The following GMPS variants were observed in gnomAD, a reference collection of about 807,000 sequenced individuals.
GMPS encodes the protein GMP synthase [glutamine-hydrolyzing].
Under a neutral mutation model 77.9 loss-of-function variants are expected in GMPS, and 15 were observed. The observed-to-expected ratio is 0.19, with a 90% CI of 0.13 to 0.30. The LOEUF is 0.30. Ranked by LOEUF, GMPS falls within the 10% of genes least tolerant of loss-of-function variation. The pLI is 1.00. For synonymous variants in GMPS, 224 were observed against 275.9 expected, an observed-to-expected ratio of 0.81 and a Z score of 1.86; for missense variants, 590 against 838.8, an observed-to-expected ratio of 0.70 and a Z score of 3.66.
intron 1 of GMPS, among the ~76,000 whole-genome samples, chr3:155,884,289 G>A (rs1754277897): frequency 6.6e-6 from 1 of 151,550 alleles, no homozygotes; most frequent in African/African-American, 2.4e-5. Context: ...GGGAGGTTGA[G>A]GCAGGACAAT....
chr3:155,881,694 T>G (rs937165592), intron 1 of GMPS, among the ~76,000 whole-genome samples: 8 of 152,200 alleles, frequency 5.3e-5, no homozygotes, highest in African/African-American at 1.9e-4. Flanking sequence ...CCACTTGATC[T>G]TGTCCTTTTC....
chr3:155,920,039 T>TA (rs1755278365), intron 10 of GMPS, among the ~76,000 whole-genome samples: 1 of 152,218 alleles, frequency 6.6e-6, no homozygotes, highest in Admixed American at 6.5e-5. Flanking sequence ...CAACATTTCT[T>TA]AAGTACTTTC....
chr3:155,871,778 C>T (rs927904676), intron 1 of GMPS, among the ~76,000 whole-genome samples: 1 of 152,230 alleles, frequency 6.6e-6, no homozygotes, highest in Non-Finnish European at 1.5e-5. Flanking sequence ...AAAGTTGCCG[C>T]CTTGACGTAC....
intron 1 of GMPS, among the ~76,000 whole-genome samples, chr3:155,891,040 T>C (rs987569559): frequency 2.6e-5 from 4 of 152,224 alleles, no homozygotes; most frequent in African/African-American, 9.6e-5. Flanking sequence ...AGGTGATTGG[T>C]CACTGATCCT....
At chr3:155,936,611 G>A in intron 15 of GMPS, 101 bp downstream of exon 15, 2 of 691,946 alleles carry the variant, frequency 2.9e-6, no homozygotes, top group Non-Finnish European at 2.4e-6. Flanking sequence ...TTCTTATGTT[G>A]GTTTTCTGTT....
At chr3:155,912,020 C>A (rs1366376621) in intron 7 of GMPS, among the ~76,000 whole-genome samples, 1 of 151,642 alleles carries the variant, frequency 6.6e-6, no homozygotes, top group East Asian at 1.9e-4. Flanking sequence ...ACTTCTTAGT[C>A]CTTAATAACA....
intron 1 of GMPS, among the ~76,000 whole-genome samples, chr3:155,881,164 G>GTTTTTTTTTTTTTTTTTTTTTTTTTTTT (rs11334499): frequency 1.9e-5 from 1 of 52,928 alleles, no homozygotes; most frequent in Non-Finnish European, 3.4e-5. Flanking sequence ...TTTGATATTA[G>GTTTTTTTTTTTTTTTTTTTTTTTTTTTT]TTTTTTTTTT....
intron 15 of GMPS, among the ~76,000 whole-genome samples, 199 bp downstream of exon 15, chr3:155,936,709 A>G (rs1250648407): frequency 6.6e-6 from 1 of 152,122 alleles, no homozygotes; most frequent in Non-Finnish European, 1.5e-5. Flanking sequence ...ATGCTCTCCA[A>G]TTGTGTGATT....
Position 155,914,998 on chromosome 3 carries a change from G to A in GMPS, c.1038+428G>A, listed in dbSNP as rs575254060. Among the ~76,000 whole-genome samples, 233 of 151,944 alleles carry A rather than the reference G, an allele frequency of 1.5e-3. 2 individuals are homozygous for A. Among genetic ancestry groups the A allele is most frequent in the African/African-American group, 5.2e-3 (214 of 41,466 alleles). ...TTGGCCAGGTTGGTCCGGATCTCCT[G>A]ACCTCATGATCCGCCCGCCTCAGCC... On this transcript the variant is annotated intron_variant, in intron 8 of 15. Coordinates refer to ENST00000496455, the MANE Select transcript of GMPS (RefSeq NM_003875.3).
chr3:155,880,373 G>T (rs191306989), intron 1 of GMPS, among the ~76,000 whole-genome samples: 116 of 152,286 alleles, frequency 7.6e-4, no homozygotes, highest in African/African-American at 2.7e-3. Context: ...GCCCCTGAAG[G>T]CTGAGGGTAA....
intron 3 of GMPS, among the ~76,000 whole-genome samples, chr3:155,900,916 A>G (rs1007606561): frequency 7.9e-5 from 12 of 152,164 alleles, no homozygotes; most frequent in East Asian, 1.9e-4. Context: ...TTTGCCCCCC[A>G]TGACATTCTG....
At chr3:155,904,108 C>T (rs1298707560) in intron 4 of GMPS, 148 bp downstream of exon 4, 5 of 495,274 alleles carry the variant, frequency 1.0e-5, no homozygotes, top group Non-Finnish European at 1.1e-5. Context: ...ATTTGCCTTC[C>T]AGTTGAGTGT....
At chr3:155,877,747 C>T (rs1754086170) in intron 1 of GMPS, among the ~76,000 whole-genome samples, 2 of 151,728 alleles carry the variant, frequency 1.3e-5, no homozygotes, top group South Asian at 2.1e-4. Context: ...TGGTGAGGGC[C>T]CACTTCCTGG....
chr3:155,905,718 C>T (rs1237596992), intron 4 of GMPS, among the ~76,000 whole-genome samples: 1 of 152,134 alleles, frequency 6.6e-6, no homozygotes, highest in Non-Finnish European at 1.5e-5. Flanking sequence ...ATGCCTGTAT[C>T]TATATTGTAC....
At chr3:155,909,144 T>C (rs1754967081) in intron 5 of GMPS, among the ~76,000 whole-genome samples, 1 of 152,162 alleles carries the variant, frequency 6.6e-6, no homozygotes, top group Admixed American at 6.5e-5. Flanking sequence ...ATTTAGTTAC[T>C]TAATTACCTG....
chr3:155,879,082 C>T (rs551508383), intron 1 of GMPS, among the ~76,000 whole-genome samples: 1 of 152,206 alleles, frequency 6.6e-6, no homozygotes, highest in East Asian at 1.9e-4. Context: ...TGCCTGCTCA[C>T]ATTGGATGAG....
chr3:155,881,421 C>T (rs1293350999), intron 1 of GMPS, among the ~76,000 whole-genome samples: 2 of 152,066 alleles, frequency 1.3e-5, no homozygotes, highest in Non-Finnish European at 2.9e-5. Context: ...ATCTGCCCTC[C>T]TTGGCTTCCC....
intron 1 of GMPS, among the ~76,000 whole-genome samples, chr3:155,884,373 G>A (rs543338029): frequency 2.4e-4 from 36 of 147,378 alleles, no homozygotes; most frequent in African/African-American, 8.5e-4. Context: ...GCAACAGAGC[G>A]AGACTCTGCC....
chr3:155,926,942 A>G (rs1336529904), intron 12 of GMPS, among the ~76,000 whole-genome samples: 1 of 151,940 alleles, frequency 6.6e-6, no homozygotes, highest in African/African-American at 2.4e-5. Flanking sequence ...TGAACCCAGG[A>G]GGCGGAGGTT....
Sources: gnomAD v4.1 joint callset for allele counts (sites outside exome capture counted in the v4.1 genomes callset) on GRCh38, gnomAD v4.1.1 for gene constraint, MANE v1.5 for transcripts, NCBI Gene and HGNC (gene_info 2026-07-23, HGNC 2026-07-21) for gene names.